Variants in EYA2 observed in about 807,000 individuals in gnomAD.
EYA2 encodes EYA transcriptional coactivator and phosphatase 2.
Under a neutral mutation model 69.2 loss-of-function variants are expected in EYA2, and 31 were observed. The ratio of observed to expected loss-of-function variants is 0.45; its 90% CI spans 0.34 to 0.60. The LOEUF (loss-of-function observed/expected upper bound fraction) is 0.60. EYA2 is among the 20% of genes least tolerant of loss of function. The pLI, the probability that EYA2 is intolerant of heterozygous loss-of-function variation, is 0.02. For synonymous variants in EYA2, 257 were observed against 279.4 expected, an observed-to-expected ratio of 0.92 and a Z score of 0.80; for missense variants, 622 against 701.2, an observed-to-expected ratio of 0.89 and a Z score of 1.28.
chr20:46,907,617 T>G (rs962294973), intron 1 of EYA2, among the ~76,000 whole-genome samples: 4 of 152,168 alleles, frequency 2.6e-5, no homozygotes, highest in Non-Finnish European at 4.4e-5. Flanking sequence ...GGCAGGCGGA[T>G]TGCGTGAAGT....
intron 7 of EYA2, among the ~76,000 whole-genome samples, chr20:47,084,263 C>G (rs767714793): frequency 5.6e-5 from 8 of 144,118 alleles, no homozygotes; most frequent in Non-Finnish European, 1.2e-4. Flanking sequence ...AAGGCTGGCT[C>G]TGTGCAGTAG....
chr20:47,032,876 A>T (rs933911402), intron 5 of EYA2, among the ~76,000 whole-genome samples: 1 of 152,216 alleles, frequency 6.6e-6, no homozygotes, highest in African/African-American at 2.4e-5. Context: ...AAAACTTCCC[A>T]CATTTCACTG....
chr20:47,071,519 C>G (rs904277236), intron 5 of EYA2, among the ~76,000 whole-genome samples: 10 of 152,024 alleles, frequency 6.6e-5, no homozygotes, highest in Non-Finnish European at 1.3e-4. Context: ...CTCCGGGGCT[C>G]AAGTGATCCT....
intron 1 of EYA2, among the ~76,000 whole-genome samples, chr20:46,936,036 C>T (rs1985893985): frequency 1.3e-5 from 2 of 152,198 alleles, no homozygotes; most frequent in South Asian, 4.1e-4. Context: ...TGCTCAACTG[C>T]TGAGTGTATA....
intron 2 of EYA2, among the ~76,000 whole-genome samples, chr20:47,000,121 G>T (rs1982266666): frequency 6.6e-6 from 1 of 152,178 alleles, no homozygotes. Context: ...TGTGCCTACA[G>T]CTGTTCATCT....
At chr20:46,976,512 A>C (rs1363511700) in intron 1 of EYA2, among the ~76,000 whole-genome samples, 1 of 152,086 alleles carries the variant, frequency 6.6e-6, no homozygotes, top group African/African-American at 2.4e-5. Flanking sequence ...CAGCCTCCCG[A>C]GTAGCTGGGA....
At chr20:47,161,956 A>G (rs923615637) in intron 10 of EYA2, among the ~76,000 whole-genome samples, 3 of 152,198 alleles carry the variant, frequency 2.0e-5, no homozygotes, top group African/African-American at 7.2e-5. Context: ...AGAGAAACTT[A>G]CTGTCCCACA....
intron 1 of EYA2, among the ~76,000 whole-genome samples, chr20:46,982,851 G>A (rs1382761607): frequency 1.4e-5 from 2 of 147,960 alleles, no homozygotes; most frequent in African/African-American, 5.0e-5. Context: ...TCGGCTCACT[G>A]CAACCTCCGC....
At chr20:47,164,778 A>C (rs530417544) in intron 10 of EYA2, among the ~76,000 whole-genome samples, 1 of 152,278 alleles carries the variant, frequency 6.6e-6, no homozygotes, top group Non-Finnish European at 1.5e-5. Flanking sequence ...TGGAGAGAGA[A>C]CAAGAACAAG....
At chr20:47,081,217 G>A (rs1299205569) in intron 7 of EYA2, among the ~76,000 whole-genome samples, 1 of 151,958 alleles carries the variant, frequency 6.6e-6, no homozygotes, top group Non-Finnish European at 1.5e-5. Context: ...TGACATGTGG[G>A]AATTGTGGGA....
chr20:47,026,004 C>T (rs985311826), intron 5 of EYA2, among the ~76,000 whole-genome samples: 17 of 152,100 alleles, frequency 1.1e-4, no homozygotes, highest in Admixed American at 3.3e-4. Context: ...TAAAAGTTTG[C>T]AAAAGAAAAG....
At chr20:47,134,585 C>T (rs1422432473) in intron 9 of EYA2, among the ~76,000 whole-genome samples, 2 of 147,406 alleles carry the variant, frequency 1.4e-5, no homozygotes, top group Non-Finnish European at 2.9e-5. Flanking sequence ...TACACACACA[C>T]ACACAAACAC....
At chr20:47,112,292 T>G (rs1305711558) in intron 9 of EYA2, among the ~76,000 whole-genome samples, 1 of 152,128 alleles carries the variant, frequency 6.6e-6, no homozygotes, top group Non-Finnish European at 1.5e-5. Context: ...CATGTAATTA[T>G]AACCATGCAA....
chr20:47,125,356 T>A (rs2033161183), intron 9 of EYA2, among the ~76,000 whole-genome samples: 3 of 152,106 alleles, frequency 2.0e-5, no homozygotes, highest in Admixed American at 2.0e-4. Flanking sequence ...GCCTGGCCAG[T>A]TAAGTTCTTG....
At chr20:47,007,686 G>T (rs1242588806) in intron 4 of EYA2, among the ~76,000 whole-genome samples, 1 of 152,058 alleles carries the variant, frequency 6.6e-6, no homozygotes, top group Non-Finnish European at 1.5e-5. Context: ...TGCAATCATA[G>T]CTCACTGCAC....
At chr20:46,939,266 T>A (rs1986052205) in intron 1 of EYA2, among the ~76,000 whole-genome samples, 1 of 152,086 alleles carries the variant, frequency 6.6e-6, no homozygotes, top group African/African-American at 2.4e-5. Context: ...AAAGGCACCA[T>A]CTCACCACTA....
In EYA2 at chr20:47,179,851, G is replaced by C; in HGVS notation, c.1252G>C (p.Glu418Gln). 6.2e-7 allele frequency: 1 copy of C among 1,614,108 alleles called. No homozygotes were observed. The highest frequency in any genetic ancestry group is 8.5e-7 in the Non-Finnish European group (1 of 1,180,010). ...CTGGCTACAGCTCCGAGCTGAGCTG[G>C]AAGCTCTCACAGACCTCTGGCTGAC... ...ETWLQLRAEL[E>Q]ALTDLWLTHS... Residue 418 changes from glutamate (E) to glutamine (Q), a missense_variant, in exon 13 of 16, where the codon GAA becomes CAA. Physicochemically the swap from Glu to Gln is conservative, Grantham distance 29 (BLOSUM62 2). Transcript: ENST00000327619.
At chr20:47,116,834 G>C (rs1044741015) in intron 9 of EYA2, among the ~76,000 whole-genome samples, 1 of 152,168 alleles carries the variant, frequency 6.6e-6, no homozygotes, top group African/African-American at 2.4e-5. Context: ...ATGAATGCTG[G>C]GACTCCATGA....
chr20:46,933,448 G>A (rs372805144), intron 1 of EYA2, among the ~76,000 whole-genome samples: 2 of 152,202 alleles, frequency 1.3e-5, no homozygotes, highest in East Asian at 3.8e-4. Context: ...ATGTAGGTGG[G>A]TTCTTACTTC....
Sources: allele counts gnomAD v4.1 joint callset (sites outside exome capture counted in the v4.1 genomes callset), GRCh38; gene constraint gnomAD v4.1.1; transcripts MANE v1.5; gene names NCBI Gene and HGNC (gene_info 2026-07-23, HGNC 2026-07-21).